Variants in DEFB116 observed in about 807,000 individuals in gnomAD.
The protein encoded by DEFB116 is defensin beta 116.
A neutral mutation model predicts 2.8 loss-of-function variants in DEFB116; 5 were observed. The ratio of observed to expected loss-of-function variants is 1.80; its 90% CI spans 0.94 to 3.79. The LOEUF (loss-of-function observed/expected upper bound fraction) is 3.79, where lower values mean the gene tolerates loss of function less well. DEFB116 is among the 30% of genes most tolerant of loss of function. DEFB116 has a pLI of 0.00. For missense variants in DEFB116, 170 were observed against 118.0 expected (o/e 1.44, Z -2.04); for synonymous variants, 56 against 40.8 (o/e 1.37, Z -1.42).
At chr20:31,308,315 A>G (rs904181623) in intron 1 of DEFB116, among the ~76,000 whole-genome samples, 1 of 152,038 alleles carries the variant, frequency 6.6e-6, no homozygotes, top group African/African-American at 2.4e-5. Context: ...AGGATCAACA[A>G]CCTCTTCAAT....
rs1000427464 is a variant in DEFB116, at chr20:31,303,294, G to A, written c.227C>T (p.Thr76Ile). The A allele has an allele frequency of 1.2e-6, 2 of 1,613,592 alleles. No individual in the cohort carries two copies. Among genetic ancestry groups the A allele is most frequent in the African/African-American group, 1.3e-5 (1 of 75,008 alleles). The change falls in exon 2 of 2, where the codon ACC (threonine) becomes ATC (isoleucine). Residue 76 changes from threonine (T) to isoleucine (I), a missense_variant. Physicochemically the swap from Thr to Ile is moderately conservative, Grantham distance 89. Coordinates refer to ENST00000400549, the MANE Select transcript of DEFB116 (RefSeq NM_001037731.1). ...KCCLKLSVKI[T>I]SSKNVKEDYD... Reference sequence around the variant, plus strand: ...ATCCTCCTTCACATTTTTAGAACTGGTTATTTTCACAGAAAGTTTCAGGCA... The same window carrying A: ...ATCCTCCTTCACATTTTTAGAACTGATTATTTTCACAGAAAGTTTCAGGCA...
intron 1 of DEFB116, among the ~76,000 whole-genome samples, chr20:31,305,952 C>T (rs1984982886): frequency 1.3e-5 from 2 of 152,052 alleles, no homozygotes; most frequent in Admixed American, 1.3e-4. Context: ...GCAGTGAAAG[C>T]CACGATTCTG....
chr20:31,305,034 C>G (rs1276238546), intron 1 of DEFB116, among the ~76,000 whole-genome samples: 1 of 152,046 alleles, frequency 6.6e-6, no homozygotes. Context: ...TGTGTATAAA[C>G]TGCCCCAGGA....
chr20:31,305,027 G>T (rs146155034), intron 1 of DEFB116, among the ~76,000 whole-genome samples: 6 of 152,162 alleles, frequency 3.9e-5, no homozygotes, highest in African/African-American at 1.4e-4. Flanking sequence ...ACTGGAGTGT[G>T]TATAAACTGC....
At chr20:31,307,789 C>A (rs1985026191) in intron 1 of DEFB116, among the ~76,000 whole-genome samples, 1 of 152,040 alleles carries the variant, frequency 6.6e-6, no homozygotes, top group Non-Finnish European at 1.5e-5. Flanking sequence ...CCCAGATAAA[C>A]CTCACATACC....
At chr20:31,304,368 C>G (rs183145388) in intron 1 of DEFB116, among the ~76,000 whole-genome samples, 1 of 152,214 alleles carries the variant, frequency 6.6e-6, no homozygotes, top group Non-Finnish European at 1.5e-5. Flanking sequence ...TTAACAATCA[C>G]TACCATGTAC....
At chr20:31,307,170 T>C (rs535011230) in intron 1 of DEFB116, among the ~76,000 whole-genome samples, 2 of 152,110 alleles carry the variant, frequency 1.3e-5, no homozygotes, top group African/African-American at 4.8e-5. Flanking sequence ...TCTCCCACCA[T>C]CTTATTTATT....
Position 31,303,370 on chromosome 20 carries a change from A to T in DEFB116, c.151T>A (p.Cys51Ser), listed in dbSNP as rs375593769. The change falls in exon 2 of 2, where the codon TGC becomes AGC. Residue 51 changes from cysteine (C) to serine (S), a missense_variant. Transcript: ENST00000400549. ...AAGTATTGGATTTCATATTCTCTGCAGGCGTTTCTGCACATGCCTTGGTAA... is the reference window on the plus strand; with the variant it reads ...AAGTATTGGATTTCATATTCTCTGCTGGCGTTTCTGCACATGCCTTGGTAA... ...ELYQGMCRNA[C>S]REYEIQYLTC... 8.7e-6 allele frequency: 14 copies of T among 1,613,442 alleles called. No individual in the cohort carries two copies. In the African/African-American group the frequency reaches 1.7e-4, roughly 20 times the overall value.
intron 1 of DEFB116, among the ~76,000 whole-genome samples, chr20:31,307,284 T>C (rs560454222): frequency 4.6e-5 from 7 of 152,178 alleles, no homozygotes; most frequent in Non-Finnish European, 1.0e-4. Flanking sequence ...ATAGGAACTG[T>C]GTTGTACAGT....
At position 31,303,359 on chromosome 20, in the gene DEFB116, A is replaced by G. The variant is rs765234400; in HGVS notation, c.162T>C (p.Tyr54=). The stretch of plus-strand genomic sequence containing the variant: ...TTGGGCAGGTTAAGTATTGGATTTC[A>G]TATTCTCTGCAGGCGTTTCTGCACA... ...QGMCRNACRE[Y]EIQYLTCPND... The change falls in exon 2 of 2, where the codon TAT becomes TAC. Residue 54 remains tyrosine, a synonymous_variant. Coordinates refer to ENST00000400549, the MANE Select transcript of DEFB116 (RefSeq NM_001037731.1). 1.2e-6 allele frequency: 2 copies of G among 1,613,622 alleles called. No homozygotes were observed. Among genetic ancestry groups the G allele is most frequent in the Non-Finnish European group, 1.7e-6 (2 of 1,179,614 alleles).
intron 1 of DEFB116, among the ~76,000 whole-genome samples, chr20:31,306,592 A>T (rs1984994893): frequency 6.6e-6 from 1 of 152,114 alleles, no homozygotes; most frequent in Non-Finnish European, 1.5e-5. Flanking sequence ...GCATGAGAAC[A>T]AATGTCTCTT....
chr20:31,304,576 T>G (rs1331927955), intron 1 of DEFB116, among the ~76,000 whole-genome samples: 1 of 152,110 alleles, frequency 6.6e-6, no homozygotes, highest in East Asian at 1.9e-4. Context: ...ACATCAAGCC[T>G]ATGCTCTTTT....
At chr20:31,305,515 G>C (rs1268271168) in intron 1 of DEFB116, among the ~76,000 whole-genome samples, 1 of 152,112 alleles carries the variant, frequency 6.6e-6, no homozygotes, top group East Asian at 1.9e-4. Flanking sequence ...GTCATAGATA[G>C]TTACAGTTTC....
chr20:31,306,750 C>T (rs1984998803), intron 1 of DEFB116, among the ~76,000 whole-genome samples: 2 of 152,104 alleles, frequency 1.3e-5, no homozygotes, highest in South Asian at 2.1e-4. Context: ...TGAATCTGAA[C>T]TCACTATCGA....
chr20:31,304,673 A>G (rs1044838549), intron 1 of DEFB116, among the ~76,000 whole-genome samples: 1 of 152,066 alleles, frequency 6.6e-6, no homozygotes. Flanking sequence ...GGCCTTCTAC[A>G]GATTTCAACC....
intron 1 of DEFB116, 49 bp from the exon 2 acceptor site, chr20:31,303,502 G>T: frequency 1.9e-6 from 3 of 1,599,154 alleles, no homozygotes; most frequent in Non-Finnish European, 2.6e-6. Flanking sequence ...GTGATAATAG[G>T]GTGATGAAGC....
At chr20:31,303,882 C>A (rs779568526) in intron 1 of DEFB116, among the ~76,000 whole-genome samples, 1 of 152,126 alleles carries the variant, frequency 6.6e-6, no homozygotes, top group African/African-American at 2.4e-5. Context: ...CCCTCACACA[C>A]AGCTAATCAG....
intron 1 of DEFB116, among the ~76,000 whole-genome samples, chr20:31,305,715 T>A (rs1356678489): frequency 6.6e-6 from 1 of 151,996 alleles, no homozygotes; most frequent in African/African-American, 2.4e-5. Flanking sequence ...ACCCAGTCTC[T>A]CCATGTCAGA....
intron 1 of DEFB116, among the ~76,000 whole-genome samples, chr20:31,303,935 G>A (rs958588525): frequency 3.3e-5 from 5 of 152,066 alleles, no homozygotes; most frequent in East Asian, 1.9e-4. Flanking sequence ...AAATATTTGA[G>A]CCTATGTGCA....
Sources: gnomAD v4.1 joint callset for allele counts (sites outside exome capture counted in the v4.1 genomes callset) on GRCh38, gnomAD v4.1.1 for gene constraint, MANE v1.5 for transcripts, NCBI Gene and HGNC (gene_info 2026-07-23, HGNC 2026-07-21) for gene names.